The following CSMD2 variants were observed in gnomAD, a reference collection of about 807,000 sequenced individuals.
CSMD2 encodes the protein CUB and sushi domain-containing protein 2.
In CSMD2, 130 loss-of-function variants were observed where a neutral mutation model predicts 398.5. The observed-to-expected ratio is 0.33, with a 90% CI of 0.28 to 0.38. The LOEUF (loss-of-function observed/expected upper bound fraction) is 0.38, where lower values mean the gene tolerates loss of function less well. Among genes scored for constraint, CSMD2 ranks in the 10% least tolerant of loss-of-function variants. CSMD2 has a pLI of 1.00. For missense variants in CSMD2, 3,829 were observed against 4,764.9 expected (o/e 0.80, Z 5.78); for synonymous variants, 1,828 against 1,908.5 (o/e 0.96, Z 1.10).
intron 10 of CSMD2, among the ~76,000 whole-genome samples, chr1:33,794,865 G>A (rs1654759143): frequency 6.6e-6 from 1 of 151,960 alleles, no homozygotes; most frequent in African/African-American, 2.4e-5. Context: ...GGTGAGGTAG[G>A]ATGTGGGCCT....
chr1:33,525,301 G>C (rs1207844083), intron 65 of CSMD2, among the ~76,000 whole-genome samples: 3 of 152,144 alleles, frequency 2.0e-5, no homozygotes, highest in Non-Finnish European at 2.9e-5. Context: ...AACAACCCAA[G>C]TGTCCGTGAA....
intron 3 of CSMD2, among the ~76,000 whole-genome samples, chr1:34,028,738 T>G (rs1298779864): frequency 6.6e-6 from 1 of 152,180 alleles, no homozygotes; most frequent in African/African-American, 2.4e-5. Flanking sequence ...AATGAGATAA[T>G]GTATGTAAAG....
At chr1:34,093,880 A>G (rs1354377379) in intron 1 of CSMD2, among the ~76,000 whole-genome samples, 2 of 152,054 alleles carry the variant, frequency 1.3e-5, no homozygotes, top group Non-Finnish European at 2.9e-5. Flanking sequence ...AAGGCAGGCC[A>G]ACGTTCAGAT....
intron 3 of CSMD2, among the ~76,000 whole-genome samples, chr1:34,013,417 G>C (rs1647642263): frequency 6.6e-6 from 1 of 152,160 alleles, no homozygotes; most frequent in African/African-American, 2.4e-5. Flanking sequence ...CCGCGGGGTA[G>C]AACCCACCAG....
chr1:33,806,500 A>G (rs1020880504), intron 10 of CSMD2, among the ~76,000 whole-genome samples: 1 of 152,190 alleles, frequency 6.6e-6, no homozygotes, highest in African/African-American at 2.4e-5. Flanking sequence ...TACCCTTCTA[A>G]CCACATAATC....
chr1:33,780,625 T>A (rs981507515), intron 12 of CSMD2, among the ~76,000 whole-genome samples: 6 of 152,196 alleles, frequency 3.9e-5, no homozygotes, highest in African/African-American at 1.4e-4. Context: ...AGAGAGCACA[T>A]CTCACTGACA....
intron 6 of CSMD2, among the ~76,000 whole-genome samples, chr1:33,844,099 C>T (rs146581956): frequency 6.6e-6 from 1 of 152,328 alleles, no homozygotes; most frequent in East Asian, 1.9e-4. Flanking sequence ...TCCCGCTGGA[C>T]CCCTGACTGA....
chr1:33,962,057 G>T (rs952701832), intron 3 of CSMD2, among the ~76,000 whole-genome samples: 1 of 152,116 alleles, frequency 6.6e-6, no homozygotes, highest in Non-Finnish European at 1.5e-5. Context: ...TCAATAAATG[G>T]TACACTAGCT....
At chr1:33,740,148 A>C (rs1647009744) in intron 14 of CSMD2, among the ~76,000 whole-genome samples, 1 of 152,180 alleles carries the variant, frequency 6.6e-6, no homozygotes, top group African/African-American at 2.4e-5. Flanking sequence ...ACAGATGGTA[A>C]GTGCTCACTG....
intron 24 of CSMD2, among the ~76,000 whole-genome samples, chr1:33,693,334 A>G (rs1021035340): frequency 6.6e-6 from 1 of 152,254 alleles, no homozygotes; most frequent in African/African-American, 2.4e-5. Flanking sequence ...AATAGCCAAT[A>G]CATACATGAA....
At chr1:33,647,069 A>G (rs1411963776) in intron 28 of CSMD2, among the ~76,000 whole-genome samples, 4 of 152,192 alleles carry the variant, frequency 2.6e-5, no homozygotes, top group Non-Finnish European at 5.9e-5. Flanking sequence ...GATTCCAGTC[A>G]GTGTCTAAAA....
chr1:33,760,682 G>T (rs1260811191), intron 13 of CSMD2, among the ~76,000 whole-genome samples: 1 of 152,152 alleles, frequency 6.6e-6, no homozygotes, highest in African/African-American at 2.4e-5. Context: ...TTGTTGTGAA[G>T]ACTCAACGCA....
At chr1:33,970,103 T>C (rs1645703629) in intron 3 of CSMD2, among the ~76,000 whole-genome samples, 1 of 131,598 alleles carries the variant, frequency 7.6e-6, no homozygotes, top group South Asian at 2.4e-4. Flanking sequence ...TAAAACTCCA[T>C]CTCAAAAAAA....
intron 2 of CSMD2, among the ~76,000 whole-genome samples, chr1:34,037,211 C>G (rs1295250739): frequency 6.6e-6 from 1 of 152,200 alleles, no homozygotes; most frequent in Non-Finnish European, 1.5e-5. Context: ...GACTTACACT[C>G]AGTCTCCCTG....
chr1:33,666,777 C>G (rs949481953), intron 25 of CSMD2, among the ~76,000 whole-genome samples: 1 of 152,104 alleles, frequency 6.6e-6, no homozygotes, highest in Non-Finnish European at 1.5e-5. Context: ...CAGGCTGCCC[C>G]CTGCCTTCTC....
intron 19 of CSMD2, among the ~76,000 whole-genome samples, chr1:33,719,670 A>G (rs886749010): frequency 1.3e-5 from 2 of 152,188 alleles, no homozygotes; most frequent in African/African-American, 4.8e-5. Flanking sequence ...TGGGGGTAAG[A>G]AACACCTGGA....
At chr1:33,921,670 G>A (rs549398880) in intron 4 of CSMD2, among the ~76,000 whole-genome samples, 1 of 152,332 alleles carries the variant, frequency 6.6e-6, no homozygotes, top group East Asian at 1.9e-4. Context: ...GCCCTCAGAG[G>A]CAAGAAGGCC....
chr1:33,606,713 G>A (rs1179758644), intron 41 of CSMD2, among the ~76,000 whole-genome samples: 1 of 152,214 alleles, frequency 6.6e-6, no homozygotes, highest in East Asian at 1.9e-4. Flanking sequence ...GAGACGGGGA[G>A]AGAAGGAAGG....
At chr1:33,836,876 C>A (rs1660337406) in intron 6 of CSMD2, among the ~76,000 whole-genome samples, 1 of 152,192 alleles carries the variant, frequency 6.6e-6, no homozygotes, top group South Asian at 2.1e-4. Context: ...TGTCCTGCAC[C>A]CACTCTCCGA....
Sources: gnomAD v4.1 joint callset for allele counts (sites outside exome capture counted in the v4.1 genomes callset) on GRCh38, gnomAD v4.1.1 for gene constraint, MANE v1.5 for transcripts, NCBI Gene and HGNC (gene_info 2026-07-23, HGNC 2026-07-21) for gene names.